Variants in FAM149A observed in about 807,000 individuals in gnomAD.
The protein encoded by FAM149A is protein FAM149A.
Under a neutral mutation model 78.2 loss-of-function variants are expected in FAM149A, and 71 were observed. The observed-to-expected ratio is 0.91, with a 90% CI of 0.75 to 1.11. FAM149A has a LOEUF of 1.11. Among genes scored for constraint, FAM149A ranks in the 50% least tolerant of loss-of-function variants. The pLI is 0.00. For missense variants in FAM149A, 1,036 were observed against 971.0 expected (o/e 1.07, Z -0.89); for synonymous variants, 446 against 410.5 (o/e 1.09, Z -1.04).
chr4:186,169,757 G>A, intron 13 of FAM149A: 2 of 985,452 alleles, frequency 2.0e-6, no homozygotes, highest in Non-Finnish European at 2.4e-6. Context: ...GTCCAGAGGA[G>A]TTACATTAAC....
At chr4:186,143,492 T>C (rs1732710148) in intron 1 of FAM149A, among the ~76,000 whole-genome samples, 1 of 152,144 alleles carries the variant, frequency 6.6e-6, no homozygotes, top group Non-Finnish European at 1.5e-5. Context: ...CTTACCACTT[T>C]TATAAAAGTG....
chr4:186,147,194 G>T (rs1733120137), intron 1 of FAM149A, among the ~76,000 whole-genome samples: 2 of 152,134 alleles, frequency 1.3e-5, no homozygotes, highest in African/African-American at 4.8e-5. Context: ...ACCAGCTTGG[G>T]CAATATAGTG....
At chr4:186,123,516 C>A in intron 1 of FAM149A, 1 of 338,014 alleles carries the variant, frequency 3.0e-6, no homozygotes, top group Non-Finnish European at 4.2e-6. Flanking sequence ...AATGAGCAGC[C>A]TGAAGAGATG....
At chr4:186,106,841 G>A (rs889065021) in intron 1 of FAM149A, among the ~76,000 whole-genome samples, 1 of 152,114 alleles carries the variant, frequency 6.6e-6, no homozygotes, top group Non-Finnish European at 1.5e-5. Flanking sequence ...CAGCTACTCG[G>A]AAGGCTGAGG....
chr4:186,125,481 T>A, intron 1 of FAM149A: 1 of 414,718 alleles, frequency 2.4e-6, no homozygotes, highest in South Asian at 9.9e-5. Context: ...CTGAGGAAGA[T>A]AGTCCGTCCG....
intron 8 of FAM149A, 35 bp from the exon 9 acceptor site, chr4:186,162,810 C>CTTTTTTTTTTTTTT (rs56973296): frequency 2.5e-5 from 14 of 563,114 alleles, no homozygotes; most frequent in East Asian, 7.1e-5. Context: ...ATTTGTAATT[C>CTTTTTTTTTTTTTT]TTTTTTTTTT....
intron 1 of FAM149A, among the ~76,000 whole-genome samples, chr4:186,108,695 C>A (rs2099309810): frequency 6.6e-6 from 1 of 152,166 alleles, no homozygotes; most frequent in African/African-American, 2.4e-5. Flanking sequence ...CGTGATCCAA[C>A]ACCTTTGATC....
chr4:186,169,756 A>C, intron 13 of FAM149A: 1 of 985,406 alleles, frequency 1.0e-6, no homozygotes, highest in Non-Finnish European at 1.2e-6. Flanking sequence ...CGTCCAGAGG[A>C]GTTACATTAA....
intron 1 of FAM149A, among the ~76,000 whole-genome samples, chr4:186,140,332 T>G (rs1325213824): frequency 6.6e-6 from 1 of 152,144 alleles, no homozygotes; most frequent in African/African-American, 2.4e-5. Context: ...GTGTCTTGCT[T>G]CGTCACCCAG....
chr4:186,155,049 G>T, intron 6 of FAM149A: 1 of 540,222 alleles, frequency 1.9e-6, no homozygotes, highest in African/African-American at 2.0e-5. Flanking sequence ...TGCAAACTCC[G>T]CCTCCCGGGT....
intron 1 of FAM149A, among the ~76,000 whole-genome samples, chr4:186,118,892 AGTTTT>A (rs1233979875): frequency 6.6e-6 from 1 of 151,670 alleles, no homozygotes; most frequent in Non-Finnish European, 1.5e-5. Context: ...TGTAAGTTTC[AGTTTT>A]GTTTTGTTTT....
intron 4 of FAM149A, among the ~76,000 whole-genome samples, chr4:186,152,823 C>A (rs1733708704): frequency 6.6e-6 from 1 of 152,148 alleles, no homozygotes; most frequent in Non-Finnish European, 1.5e-5. Flanking sequence ...GGATTACAGG[C>A]ATGAGCCACC....
chr4:186,155,862 T>G (rs1335472064), intron 6 of FAM149A, 138 bp from the exon 7 acceptor site: 3 of 601,614 alleles, frequency 5.0e-6, no homozygotes, highest in Non-Finnish European at 7.6e-6. Context: ...ATTATATATG[T>G]TAAAAAAGAA....
At position 186,104,972 on chromosome 4, in the gene FAM149A, G is replaced by T; in HGVS notation, c.-105G>T. 1 of 1,188,960 alleles carries T rather than the reference G, an allele frequency of 8.4e-7. No individual in the cohort carries two copies. The highest frequency in any genetic ancestry group is 1.1e-6 in the Non-Finnish European group (1 of 945,850). 73.7% of individuals were successfully genotyped at this position (1,188,960 alleles called of 1,614,324 possible). A position where few individuals can be genotyped will look rare whatever the true frequency, so the allele number is the denominator to read the frequency against. On this transcript the variant is annotated 5_prime_UTR_variant, in exon 1 of 14. Transcript: ENST00000389354. ...GAGCCAGGGGCCTCCGGGGCTCCGG[G>T]TGCGGGGACCTCAGGCTCCTCGCCC...
At chr4:186,131,751 T>C (rs2099320835) in intron 1 of FAM149A, 1 of 227,336 alleles carries the variant, frequency 4.4e-6, no homozygotes, top group African/African-American at 2.3e-5. Context: ...GGAGAGGACA[T>C]AGATGCCGAT....
chr4:186,158,371 A>C (rs1229643880), intron 8 of FAM149A: 1 of 1,204,030 alleles, frequency 8.3e-7, no homozygotes, highest in Non-Finnish European at 1.1e-6. Flanking sequence ...CATCCCGTGC[A>C]ACAAGGGAGC....
In FAM149A at chr4:186,116,383, C is replaced by G. The variant is rs141541975; in HGVS notation, c.566+10741C>G. On this transcript the variant is annotated intron_variant, in intron 1 of 13. Coordinates refer to ENST00000389354, the MANE Select transcript of FAM149A (RefSeq NM_001367768.3). ...GTCACTCACGCTGGGAGCTGTAGAC[C>G]GGAGCTGTTCCTATTTGGCCATCTT... 3,742 of 760,546 alleles carry G rather than the reference C, an allele frequency of 4.9e-3. 126 individuals are homozygous for G. In the African/African-American group the frequency reaches 0.066, roughly 13 times the overall value. The allele number at this position is 760,546 out of a possible 1,614,324, so 47.1% of individuals were successfully genotyped here.
At chr4:186,167,835 T>A (rs1201685368) in intron 13 of FAM149A, among the ~76,000 whole-genome samples, 1 of 152,114 alleles carries the variant, frequency 6.6e-6, no homozygotes, top group Non-Finnish European at 1.5e-5. Flanking sequence ...TGACGTTGGA[T>A]TTCCACCCTC....
chr4:186,124,506 A>G (rs976798763), intron 1 of FAM149A, among the ~76,000 whole-genome samples: 2 of 150,616 alleles, frequency 1.3e-5, no homozygotes, highest in African/African-American at 2.5e-5. Context: ...GAGTGAGAAC[A>G]TGTGGTGTTT....
Sources: allele counts gnomAD v4.1 joint callset (sites outside exome capture counted in the v4.1 genomes callset), GRCh38; gene constraint gnomAD v4.1.1; transcripts MANE v1.5; gene names NCBI Gene and HGNC (gene_info 2026-07-23, HGNC 2026-07-21).